Variants in CPQ observed in about 807,000 individuals in gnomAD.
The protein encoded by CPQ is Ser-Met dipeptidase.
A neutral mutation model predicts 45.7 loss-of-function variants in CPQ; 37 were observed. That is an observed-to-expected ratio of 0.81 (90% CI 0.62 to 1.07). The LOEUF (loss-of-function observed/expected upper bound fraction) is 1.07, where lower values mean the gene tolerates loss of function less well. CPQ is among the 50% of genes least tolerant of loss of function. The pLI is 0.00. For synonymous variants in CPQ, 186 were observed against 205.8 expected (o/e 0.90, Z 0.82); for missense variants, 537 against 572.9 (o/e 0.94, Z 0.64).
chr8:96,829,175 C>CTGG (rs1811414408), intron 2 of CPQ, among the ~76,000 whole-genome samples: 1 of 152,074 alleles, frequency 6.6e-6, no homozygotes, highest in Admixed American at 6.6e-5. Flanking sequence ...TCTCAGCACA[C>CTGG]CACCAAACAG....
chr8:96,803,415 G>T (rs2130823788), intron 2 of CPQ, among the ~76,000 whole-genome samples: 1 of 152,296 alleles, frequency 6.6e-6, no homozygotes, highest in East Asian at 1.9e-4. Flanking sequence ...AAGTGGAGAA[G>T]CAAAAATGTT....
chr8:97,097,587 A>G (rs894197066), intron 7 of CPQ, among the ~76,000 whole-genome samples: 47 of 152,208 alleles, frequency 3.1e-4, no homozygotes, highest in African/African-American at 1.1e-3. Flanking sequence ...AGCTACAACA[A>G]GCAATCCCAT....
chr8:96,686,094 A>G (rs963284010), intron 1 of CPQ, among the ~76,000 whole-genome samples: 1 of 152,078 alleles, frequency 6.6e-6, no homozygotes, highest in Non-Finnish European at 1.5e-5. Context: ...GTCATTATTT[A>G]TAGTTTTCCA....
At chr8:96,808,114 C>T (rs1811109451) in intron 2 of CPQ, among the ~76,000 whole-genome samples, 1 of 152,066 alleles carries the variant, frequency 6.6e-6, no homozygotes, top group African/African-American at 2.4e-5. Context: ...TAATTTTGTT[C>T]TCATTCATAT....
At chr8:96,974,225 T>C (rs541284953) in intron 5 of CPQ, among the ~76,000 whole-genome samples, 1 of 151,978 alleles carries the variant, frequency 6.6e-6, no homozygotes, top group East Asian at 1.9e-4. Flanking sequence ...TAGCTATTCT[T>C]ATACCAGAAA....
chr8:96,822,681 A>G (rs1254381268), intron 2 of CPQ, among the ~76,000 whole-genome samples: 2 of 151,828 alleles, frequency 1.3e-5, no homozygotes, highest in Admixed American at 6.6e-5. Flanking sequence ...GCCCTTTCTC[A>G]CTGCACTCCA....
intron 1 of CPQ, among the ~76,000 whole-genome samples, chr8:96,709,205 C>T (rs1465552406): frequency 6.6e-6 from 1 of 152,094 alleles, no homozygotes; most frequent in Non-Finnish European, 1.5e-5. Context: ...TGTCCCTGGA[C>T]ATTGTACCCA....
intron 4 of CPQ, among the ~76,000 whole-genome samples, chr8:96,908,774 CACA>C (rs1563526429): frequency 2.6e-5 from 4 of 151,842 alleles, no homozygotes; most frequent in Non-Finnish European, 5.9e-5. Flanking sequence ...CACACACACA[CACA>C]CCATATATTC....
At chr8:96,988,202 A>T (rs1809024720) in intron 5 of CPQ, among the ~76,000 whole-genome samples, 1 of 152,078 alleles carries the variant, frequency 6.6e-6, no homozygotes, top group Non-Finnish European at 1.5e-5. Flanking sequence ...CTTACCCTTC[A>T]CTTAATGAAG....
chr8:96,828,623 C>CA (rs1811408322), intron 2 of CPQ, among the ~76,000 whole-genome samples: 2 of 151,994 alleles, frequency 1.3e-5, no homozygotes, highest in African/African-American at 4.8e-5. Context: ...GACTGAGGTG[C>CA]ATTATGCTTC....
chr8:96,854,485 T>C (rs112276767), intron 3 of CPQ, among the ~76,000 whole-genome samples: 1,844 of 116,194 alleles, frequency 0.016, 23 homozygotes, highest in Middle Eastern at 0.079. Context: ...GAGCCGAGAT[T>C]GCGCCACTGC....
At chr8:96,786,683 T>G (rs1166192416) in intron 2 of CPQ, among the ~76,000 whole-genome samples, 3 of 152,132 alleles carry the variant, frequency 2.0e-5, no homozygotes, top group Non-Finnish European at 4.4e-5. Flanking sequence ...TGCCAACACT[T>G]GTTATTATCT....
intron 1 of CPQ, among the ~76,000 whole-genome samples, chr8:96,675,160 A>G (rs1357858521): frequency 1.3e-5 from 2 of 152,116 alleles, no homozygotes; most frequent in African/African-American, 4.8e-5. Flanking sequence ...CAAAAAGAGT[A>G]TGTAGTGAAA....
intron 5 of CPQ, among the ~76,000 whole-genome samples, chr8:96,968,648 C>A (rs1382235567): frequency 6.6e-6 from 1 of 152,186 alleles, no homozygotes; most frequent in East Asian, 1.9e-4. Context: ...ATGTGTCATG[C>A]AGCATGTCAG....
In CPQ at chr8:97,115,649, T is replaced by C. The variant is rs554138456; in HGVS notation, c.1256-27371T>C. On this transcript the variant is annotated intron_variant, in intron 7 of 7. Transcript: ENST00000220763. ...CGGTGAAGGAGAAATTGATTTCCTT[T>C]GGGCATGGCTGTATGTACCTGATGG... 2.6e-5 allele frequency among the ~76,000 whole-genome samples: 4 copies of C among 152,334 alleles called. No individual in the cohort carries two copies. The South Asian group carries it at 8.3e-4, about 32-fold the overall frequency.
At chr8:97,047,765 A>G (rs1810285080) in intron 6 of CPQ, among the ~76,000 whole-genome samples, 1 of 152,198 alleles carries the variant, frequency 6.6e-6, no homozygotes, top group Non-Finnish European at 1.5e-5. Flanking sequence ...AGATCTTTTA[A>G]TGATATGAAA....
intron 3 of CPQ, among the ~76,000 whole-genome samples, chr8:96,877,682 C>T (rs534792296): frequency 4.6e-5 from 7 of 152,290 alleles, no homozygotes; most frequent in Non-Finnish European, 8.8e-5. Flanking sequence ...TATACTATCT[C>T]TTTTATTTTT....
chr8:96,741,484 C>A (rs1266747705), intron 1 of CPQ, among the ~76,000 whole-genome samples: 1 of 152,052 alleles, frequency 6.6e-6, no homozygotes, highest in African/African-American at 2.4e-5. Context: ...TTCAGTTCTG[C>A]TCTGATTTTA....
chr8:97,104,934 G>A (rs1329561822), intron 7 of CPQ, among the ~76,000 whole-genome samples: 1 of 152,190 alleles, frequency 6.6e-6, no homozygotes, highest in African/African-American at 2.4e-5. Flanking sequence ...ATTTCACTGA[G>A]AGTCTTTTCC....
Sources: gnomAD v4.1 joint callset for allele counts (sites outside exome capture counted in the v4.1 genomes callset) on GRCh38, gnomAD v4.1.1 for gene constraint, MANE v1.5 for transcripts, NCBI Gene and HGNC (gene_info 2026-07-23, HGNC 2026-07-21) for gene names.